The following CAMTA1 variants were observed in gnomAD, a reference collection of about 807,000 sequenced individuals.
CAMTA1 encodes the protein calmodulin binding transcription activator 1.
A neutral mutation model predicts 170.9 loss-of-function variants in CAMTA1; 27 were observed. The ratio of observed to expected loss-of-function variants is 0.16; its 90% confidence interval spans 0.12 to 0.22. The LOEUF is 0.22. Ranked by LOEUF, CAMTA1 falls within the 10% of genes least tolerant of loss-of-function variation. The probability of loss-of-function intolerance (pLI) is 1.00; values close to 1 mark genes in which losing one functional copy is unlikely to be tolerated. For missense variants in CAMTA1, 1,619 were observed against 2,217.2 expected (o/e 0.73, Z 5.42); for synonymous variants, 833 against 891.5 (o/e 0.93, Z 1.17).
intron 6 of CAMTA1, among the ~76,000 whole-genome samples, chr1:7,514,990 A>G (rs963603378): frequency 5.3e-5 from 8 of 152,160 alleles, no homozygotes; most frequent in Non-Finnish European, 1.2e-4. Flanking sequence ...ACCCAGGATC[A>G]TCAGGCCGGC....
chr1:7,137,462 A>C (rs1645609111), intron 4 of CAMTA1, among the ~76,000 whole-genome samples: 1 of 152,162 alleles, frequency 6.6e-6, no homozygotes. Context: ...GTGTGGCTGG[A>C]GAAAAACAGG....
chr1:7,255,267 G>T (rs1294828023), intron 5 of CAMTA1, among the ~76,000 whole-genome samples: 2 of 151,954 alleles, frequency 1.3e-5, no homozygotes, highest in African/African-American at 2.4e-5. Context: ...GCACATGTAC[G>T]CCAGAGCTTA....
At chr1:7,586,185 C>T (rs1445317621) in intron 6 of CAMTA1, among the ~76,000 whole-genome samples, 1 of 152,112 alleles carries the variant, frequency 6.6e-6, no homozygotes, top group Non-Finnish European at 1.5e-5. Flanking sequence ...CGGGCACCCT[C>T]CAGTGTGGGC....
intron 4 of CAMTA1, among the ~76,000 whole-genome samples, chr1:7,109,456 A>G (rs918042434): frequency 2.0e-5 from 3 of 152,164 alleles, no homozygotes; most frequent in African/African-American, 4.8e-5. Context: ...TCTCCTTACA[A>G]TGGCTGAATT....
At chr1:6,927,332 C>T (rs1271477610) in intron 3 of CAMTA1, among the ~76,000 whole-genome samples, 2 of 152,154 alleles carry the variant, frequency 1.3e-5, no homozygotes, top group African/African-American at 2.4e-5. Context: ...TGCACCCAGC[C>T]GCCTCAGTGA....
At chr1:7,550,053 G>A (rs936688935) in intron 6 of CAMTA1, among the ~76,000 whole-genome samples, 2 of 152,090 alleles carry the variant, frequency 1.3e-5, no homozygotes, top group East Asian at 3.9e-4. Flanking sequence ...ATCCCAAGGA[G>A]TCATTGCAGG....
Position 7,286,447 on chromosome 1 carries a change from G to A in CAMTA1, c.438+36821G>A, listed in dbSNP as rs539414660. 5.3e-5 allele frequency among the ~76,000 whole-genome samples: 8 copies of A among 152,310 alleles called. No homozygotes were observed. In the East Asian group the frequency reaches 9.6e-4, roughly 18 times the overall value. On this transcript the variant is annotated intron_variant, in intron 5 of 22. Transcript: ENST00000303635. The surrounding 1 kb of genome is among the most constrained non-coding windows in gnomAD (Gnocchi z 4.2). ...TTCCATGACAGGTGCATCTGTGGCC[G>A]TGGCATCCAATCTCTTCTCTTTGGG...
At chr1:6,981,214 T>C (rs144130640) in intron 3 of CAMTA1, among the ~76,000 whole-genome samples, 1 of 152,258 alleles carries the variant, frequency 6.6e-6, no homozygotes, top group Admixed American at 6.5e-5. Context: ...GAAAAAGACA[T>C]TGGATTCCTG....
intron 6 of CAMTA1, among the ~76,000 whole-genome samples, chr1:7,493,291 A>AT (rs1491446444): frequency 3.5e-5 from 5 of 144,222 alleles, no homozygotes; most frequent in African/African-American, 1.3e-4. Context: ...ACGCGCACAA[A>AT]CACAAACATA....
At chr1:7,644,880 G>C (rs1231099698) in intron 7 of CAMTA1, among the ~76,000 whole-genome samples, 1 of 152,232 alleles carries the variant, frequency 6.6e-6, no homozygotes, top group East Asian at 1.9e-4. Context: ...AGCCTGGGGT[G>C]CCCCTGTGGG....
chr1:7,385,788 T>C (rs1420673008), intron 5 of CAMTA1, among the ~76,000 whole-genome samples: 1 of 152,204 alleles, frequency 6.6e-6, no homozygotes, highest in African/African-American at 2.4e-5. Context: ...CACCACCCAC[T>C]GCTAGCCACT....
At chr1:7,575,154 A>G (rs552023417) in intron 6 of CAMTA1, among the ~76,000 whole-genome samples, 2 of 152,194 alleles carry the variant, frequency 1.3e-5, no homozygotes, top group Non-Finnish European at 2.9e-5. Context: ...TTTCTGGCCA[A>G]TGATAAGTAC....
chr1:7,077,866 C>G (rs1204274973), intron 3 of CAMTA1, among the ~76,000 whole-genome samples: 1 of 152,028 alleles, frequency 6.6e-6, no homozygotes, highest in African/African-American at 2.4e-5. Context: ...CCTTTTCTGA[C>G]TTCTTTGAAT....
At chr1:7,460,989 A>T (rs1295069157) in intron 5 of CAMTA1, among the ~76,000 whole-genome samples, 1 of 152,088 alleles carries the variant, frequency 6.6e-6, no homozygotes, top group East Asian at 1.9e-4. Context: ...GGCTGCTAGG[A>T]CTGGGGCAGG....
intron 5 of CAMTA1, among the ~76,000 whole-genome samples, chr1:7,347,725 C>CG (rs955388372): frequency 1.8e-4 from 28 of 151,658 alleles, no homozygotes; most frequent in African/African-American, 6.1e-4. Context: ...CAATCCAGGA[C>CG]CCCCCCGGCT....
At chr1:7,107,625 G>A (rs1643740182) in intron 4 of CAMTA1, among the ~76,000 whole-genome samples, 1 of 152,158 alleles carries the variant, frequency 6.6e-6, no homozygotes, top group Admixed American at 6.5e-5. Context: ...CGGAGGGGCG[G>A]GTGCTGCTGG....
intron 6 of CAMTA1, among the ~76,000 whole-genome samples, chr1:7,606,903 T>C (rs1176487211): frequency 6.6e-6 from 1 of 152,208 alleles, no homozygotes; most frequent in African/African-American, 2.4e-5. Context: ...TCTACATTCC[T>C]CTAGTTGAGC....
intron 6 of CAMTA1, among the ~76,000 whole-genome samples, chr1:7,579,191 G>T (rs990748285): frequency 1.2e-4 from 19 of 152,250 alleles, no homozygotes; most frequent in Non-Finnish European, 2.4e-4. Context: ...CACCAAGGCT[G>T]CCCCTCCACC....
In CAMTA1 at chr1:7,565,467, G is replaced by C. The variant is rs533293312; in HGVS notation, c.511-74933G>C. 2.6e-5 allele frequency among the ~76,000 whole-genome samples: 4 copies of C among 152,298 alleles called. No individual in the cohort carries two copies. In the South Asian group the frequency reaches 6.2e-4, roughly 24 times the overall value. Reference sequence around the variant, plus strand: ...CCACGTGGTAGAGTGAAGAGGCCAGGAACAGAGGGCTTGGCTGAGTGTCCA... The same window carrying C: ...CCACGTGGTAGAGTGAAGAGGCCAGCAACAGAGGGCTTGGCTGAGTGTCCA... On this transcript the variant is annotated intron_variant, in intron 6 of 22. Transcript: ENST00000303635. The surrounding 1 kb of genome is among the most constrained non-coding windows in gnomAD (Gnocchi z 4.5).
Sources: gnomAD v4.1 joint callset for allele counts (sites outside exome capture counted in the v4.1 genomes callset) on GRCh38, gnomAD v4.1.1 for gene constraint, Gnocchi (gnomAD v3.1) non-coding constraint, MANE v1.5 for transcripts, NCBI Gene and HGNC (gene_info 2026-07-23, HGNC 2026-07-21) for gene names.